Variants in TAFA1 observed in about 807,000 individuals in gnomAD.
The protein encoded by TAFA1 is chemokine-like protein TAFA-1.
TAFA1 carries 4 observed loss-of-function variants against 18.5 expected under a neutral mutation model. That is an observed-to-expected ratio of 0.22 (90% CI 0.11 to 0.49). The LOEUF is 0.49. TAFA1 is among the 20% of genes least tolerant of loss of function. The pLI is 0.98. For missense variants in TAFA1, 147 were observed against 169.0 expected (o/e 0.87, Z 0.72); for synonymous variants, 56 against 55.2 (o/e 1.01, Z -0.06).
chr3:68,209,625 A>G (rs990022985), intron 2 of TAFA1, among the ~76,000 whole-genome samples: 17 of 152,046 alleles, frequency 1.1e-4, no homozygotes, highest in Admixed American at 9.2e-4. Flanking sequence ...TCTGGCTTCC[A>G]ATGTGTTTAG....
chr3:68,484,598 A>G (rs1313290326), intron 3 of TAFA1, among the ~76,000 whole-genome samples: 7 of 152,222 alleles, frequency 4.6e-5, no homozygotes, highest in Non-Finnish European at 8.8e-5. Context: ...GAAGCTGGGC[A>G]GAAGCAGAAT....
Position 68,141,719 on chromosome 3 carries a change from C to A in TAFA1, c.118+134975C>A, listed in dbSNP as rs149246785. On this transcript the variant is annotated intron_variant, in intron 2 of 4. Coordinates refer to ENST00000478136, the MANE Select transcript of TAFA1 (RefSeq NM_213609.4). ...TCAGGGAACCTTGCTGACAGTGAAG[C>A]CAACACAGAAGAAAGCAAGGCCAAA... Among the ~76,000 whole-genome samples, 343 of 152,322 alleles carry A rather than the reference C, an allele frequency of 2.3e-3. 3 individuals are homozygous for A. The highest frequency in any genetic ancestry group is 8.0e-3 in the African/African-American group (332 of 41,578).
At chr3:68,113,897 G>GTTTTT (rs35158174) in intron 2 of TAFA1, among the ~76,000 whole-genome samples, 6 of 18,090 alleles carry the variant, frequency 3.3e-4, no homozygotes, top group Non-Finnish European at 4.5e-4. Flanking sequence ...AGTTTTTTTT[G>GTTTTT]TTTTTTTTTT....
chr3:68,188,363 T>C (rs2107005600), intron 2 of TAFA1, among the ~76,000 whole-genome samples: 2 of 151,808 alleles, frequency 1.3e-5, no homozygotes, highest in Middle Eastern at 6.8e-3. Context: ...AAATGGATGA[T>C]TTTCTCTTTG....
chr3:68,175,295 A>G (rs1037236058), intron 2 of TAFA1, among the ~76,000 whole-genome samples: 2 of 152,204 alleles, frequency 1.3e-5, no homozygotes, highest in African/African-American at 4.8e-5. Flanking sequence ...CTGTGAGAAG[A>G]GGGCCACTGT....
At chr3:68,449,898 T>G (rs902525688) in intron 3 of TAFA1, among the ~76,000 whole-genome samples, 1 of 152,212 alleles carries the variant, frequency 6.6e-6, no homozygotes, top group African/African-American at 2.4e-5. Flanking sequence ...ACGGAAAAGA[T>G]ATTTCCTTCC....
At chr3:68,124,096 T>A (rs1338704034) in intron 2 of TAFA1, among the ~76,000 whole-genome samples, 2 of 152,264 alleles carry the variant, frequency 1.3e-5, no homozygotes, top group East Asian at 3.9e-4. Context: ...TTAGCCTTCA[T>A]GTATAGAGAG....
intron 2 of TAFA1, among the ~76,000 whole-genome samples, chr3:68,278,522 A>T (rs1181770055): frequency 6.6e-6 from 1 of 152,098 alleles, no homozygotes; most frequent in Non-Finnish European, 1.5e-5. Context: ...TGATTTCCTC[A>T]TAAGTCCTAT....
At chr3:68,000,969 C>A (rs1180885050), upstream of TAFA1, among the ~76,000 whole-genome samples, 1 of 152,050 alleles carries the variant, frequency 6.6e-6, no homozygotes, top group East Asian at 1.9e-4. Flanking sequence ...ATTAAATCAG[C>A]TATGGATTTG....
intron 2 of TAFA1, among the ~76,000 whole-genome samples, chr3:68,377,163 T>C (rs1001654788): frequency 6.6e-6 from 1 of 152,008 alleles, no homozygotes; most frequent in African/African-American, 2.4e-5. Context: ...GAGAGTTGGG[T>C]GCTGCTATAA....
intron 2 of TAFA1, among the ~76,000 whole-genome samples, chr3:68,088,438 A>C (rs1229505517): frequency 6.6e-6 from 1 of 152,160 alleles, no homozygotes; most frequent in Non-Finnish European, 1.5e-5. Flanking sequence ...AGGGATTTTC[A>C]ATATGAAACC....
At chr3:68,015,039 G>A (rs1337471853) in intron 2 of TAFA1, among the ~76,000 whole-genome samples, 1 of 152,022 alleles carries the variant, frequency 6.6e-6, no homozygotes, top group Non-Finnish European at 1.5e-5. Context: ...AGAGTAGAGA[G>A]AGAAGCGAGG....
chr3:68,051,681 A>T lies in TAFA1; in HGVS notation c.118+44937A>T, dbSNP rs576796194. ...CCCTCTAATATATGGCACTGTTTAT[A>T]TCATAGTATTTCACATGATTTGCAA... On this transcript the variant is annotated intron_variant, in intron 2 of 4. Coordinates refer to ENST00000478136, the MANE Select transcript of TAFA1 (RefSeq NM_213609.4). Among the ~76,000 whole-genome samples the T allele has an allele frequency of 2.7e-3, 412 of 152,238 alleles. 3 individuals carry two copies. The highest frequency in any genetic ancestry group is 9.2e-3 in the African/African-American group (381 of 41,554).
chr3:68,053,509 C>T (rs1342992379), intron 2 of TAFA1, among the ~76,000 whole-genome samples: 5 of 151,938 alleles, frequency 3.3e-5, no homozygotes, highest in Non-Finnish European at 7.4e-5. Context: ...CCTCCAAAAC[C>T]TTGACATCTG....
At chr3:68,018,265 T>C (rs1704609104) in intron 2 of TAFA1, among the ~76,000 whole-genome samples, 1 of 152,138 alleles carries the variant, frequency 6.6e-6, no homozygotes, top group African/African-American at 2.4e-5. Context: ...GTCAGCCAAT[T>C]GTCAAAGAAG....
chr3:68,245,849 G>A (rs1001573640), intron 2 of TAFA1, among the ~76,000 whole-genome samples: 10 of 152,196 alleles, frequency 6.6e-5, no homozygotes. Flanking sequence ...GTATAAGCTG[G>A]TCTTTTGGAA....
At chr3:68,508,424 G>C (rs774235122) in intron 3 of TAFA1, among the ~76,000 whole-genome samples, 4 of 151,998 alleles carry the variant, frequency 2.6e-5, no homozygotes, top group Non-Finnish European at 4.4e-5. Flanking sequence ...CTTTCACTGG[G>C]TGTCAAACTC....
chr3:68,442,123 C>A (rs887928934), intron 3 of TAFA1, among the ~76,000 whole-genome samples: 1 of 152,082 alleles, frequency 6.6e-6, no homozygotes, highest in Non-Finnish European at 1.5e-5. Context: ...TCACCACCAC[C>A]CCACTCCTTA....
intron 3 of TAFA1, among the ~76,000 whole-genome samples, chr3:68,460,995 G>T (rs369325455): frequency 3.3e-5 from 5 of 152,224 alleles, no homozygotes; most frequent in East Asian, 1.9e-4. Flanking sequence ...AAATAACCTG[G>T]CCATGGCCAG....
Sources: allele counts gnomAD v4.1 joint callset (sites outside exome capture counted in the v4.1 genomes callset), GRCh38; gene constraint gnomAD v4.1.1; transcripts MANE v1.5; gene names NCBI Gene and HGNC (gene_info 2026-07-23, HGNC 2026-07-21).